The following SLC27A2 variants were observed in gnomAD, a reference collection of about 807,000 sequenced individuals.
The protein encoded by SLC27A2 is long-chain fatty acid transport protein 2.
In SLC27A2, 54 loss-of-function variants were observed where a neutral mutation model predicts 60.0. The ratio of observed to expected loss-of-function variants is 0.90; its 90% confidence interval spans 0.72 to 1.13. The LOEUF is 1.13. Among genes scored for constraint, SLC27A2 ranks in the 50% most tolerant of loss-of-function variants. The pLI is 0.00. For synonymous variants in SLC27A2, 297 were observed against 297.6 expected, an observed-to-expected ratio of 1.00 and a Z score of 0.02; for missense variants, 739 against 777.6, an observed-to-expected ratio of 0.95 and a Z score of 0.59.
chr15:50,221,370 C>T (rs1012474879), intron 4 of SLC27A2, among the ~76,000 whole-genome samples: 1 of 152,064 alleles, frequency 6.6e-6, no homozygotes, highest in African/African-American at 2.4e-5. Context: ...AATGACTGCT[C>T]AAGGGGCCCA....
chr15:50,221,020 T>C (rs922140909), intron 4 of SLC27A2, among the ~76,000 whole-genome samples: 8 of 151,996 alleles, frequency 5.3e-5, no homozygotes, highest in Non-Finnish European at 1.0e-4. Context: ...CTGGGCAACA[T>C]AGTGAGAACT....
Position 50,182,423 on chromosome 15 carries a change from C to T in SLC27A2, c.-5C>T. The T allele has an allele frequency of 6.3e-7, 1 of 1,586,982 alleles. No individual in the cohort carries two copies. ...CTCGCTGGGACAGAGGGCCCCGCAG[C>T]CGTCATGCTTTCCGCCATCTACACA... On this transcript the variant is annotated 5_prime_UTR_variant, in exon 1 of 10. Coordinates refer to ENST00000267842, the MANE Select transcript of SLC27A2 (RefSeq NM_003645.4).
At chr15:50,234,337 T>TAACA (rs1177863178) in intron 9 of SLC27A2, among the ~76,000 whole-genome samples, 1 of 152,044 alleles carries the variant, frequency 6.6e-6, no homozygotes, top group Non-Finnish European at 1.5e-5. Context: ...CCTATAATCC[T>TAACA]AACACTTTGG....
chr15:50,221,967 C>G (rs963754030), intron 4 of SLC27A2: 1 of 152,230 alleles, frequency 6.6e-6, no homozygotes, highest in South Asian at 2.1e-4. Flanking sequence ...TCTTTCCCCT[C>G]TTCTCACTAC....
At position 50,223,068 on chromosome 15, in the gene SLC27A2, A is replaced by G; in HGVS notation, c.1076A>G (p.Tyr359Cys). 2 of 1,614,048 alleles carry G rather than the reference A, an allele frequency of 1.2e-6. No homozygotes were observed. Among genetic ancestry groups the G allele is most frequent in the Non-Finnish European group, 1.7e-6 (2 of 1,179,932 alleles). ...FVKRFGDICIYEFYAATEGNI... is the reference protein window; with the variant it reads ...FVKRFGDICICEFYAATEGNI... ...AAGAGATTTGGGGACATATGCATCT[A>G]TGAGTTCTATGCTGCCACTGAAGGC... Residue 359 changes from tyrosine (Y) to cysteine (C), a missense_variant, in exon 5 of 10, where the codon TAT (tyrosine) becomes TGT (cysteine). Coordinates refer to ENST00000267842, the MANE Select transcript of SLC27A2 (RefSeq NM_003645.4).
chr15:50,194,951 A>G (rs1490387309), intron 1 of SLC27A2, among the ~76,000 whole-genome samples: 1 of 152,208 alleles, frequency 6.6e-6, no homozygotes, highest in African/African-American at 2.4e-5. Context: ...ATTGGTTTTC[A>G]GCTTCTAGAG....
chr15:50,226,942 T>A, intron 6 of SLC27A2, 38 bp from the exon 7 acceptor site: 12 of 1,567,412 alleles, frequency 7.7e-6, no homozygotes, highest in Non-Finnish European at 1.0e-5. Flanking sequence ...AAATTTGACC[T>A]CTAGCACATA....
intron 7 of SLC27A2, among the ~76,000 whole-genome samples, 191 bp from the exon 8 acceptor site, chr15:50,228,754 G>A (rs530237173): frequency 2.0e-5 from 3 of 152,228 alleles, no homozygotes; most frequent in Non-Finnish European, 4.4e-5. Flanking sequence ...TGTTATCTAG[G>A]TCTATACTTT....
At position 50,207,192 on chromosome 15, in the gene SLC27A2, T is replaced by G. The variant is rs76170287; in HGVS notation, c.972+1829T>G. On this transcript the variant is annotated intron_variant, in intron 4 of 9. Transcript: ENST00000267842. ...GACTGGACGAAAATAAATATGTTTGTGTGTAGCTGTCTTCAGGCCCACACA... is the reference window on the plus strand; with the variant it reads ...GACTGGACGAAAATAAATATGTTTGGGTGTAGCTGTCTTCAGGCCCACACA... Among the ~76,000 whole-genome samples, 1,266 of 152,290 alleles carry G rather than the reference T, an allele frequency of 8.3e-3. 9 individuals carry two copies. The highest frequency in any genetic ancestry group is 0.029 in the African/African-American group (1,222 of 41,570).
At chr15:50,194,082 G>A (rs922537980) in intron 1 of SLC27A2, among the ~76,000 whole-genome samples, 2 of 152,112 alleles carry the variant, frequency 1.3e-5, no homozygotes, top group African/African-American at 4.8e-5. Context: ...GGAGGTTGAC[G>A]CTGCAGTAAG....
chr15:50,221,505 T>C (rs2045241672), intron 4 of SLC27A2, among the ~76,000 whole-genome samples: 1 of 152,236 alleles, frequency 6.6e-6, no homozygotes, highest in African/African-American at 2.4e-5. Flanking sequence ...CCTTAGCTCC[T>C]CCTGCATGGA....
At chr15:50,211,731 C>G (rs74633833) in intron 4 of SLC27A2, among the ~76,000 whole-genome samples, 1 of 151,282 alleles carries the variant, frequency 6.6e-6, no homozygotes, top group Non-Finnish European at 1.5e-5. Flanking sequence ...TCCAAAAAAA[C>G]GTTACAAGAG....
intron 3 of SLC27A2, among the ~76,000 whole-genome samples, chr15:50,203,978 C>G (rs192715837): frequency 1.1e-3 from 163 of 152,100 alleles, no homozygotes; most frequent in African/African-American, 3.7e-3. Context: ...GTTGTTTAAG[C>G]CACCCATCTG....
intron 5 of SLC27A2, among the ~76,000 whole-genome samples, chr15:50,224,638 TC>T (rs1336919985): frequency 1.3e-5 from 2 of 152,146 alleles, no homozygotes; most frequent in Non-Finnish European, 2.9e-5. Flanking sequence ...GCTACACAAG[TC>T]CCTCCACAGT....
chr15:50,184,576 C>T lies in SLC27A2; in HGVS notation c.478+1671C>T, dbSNP rs1303285360. ...TTAGGCTGGGCGCAGTGGCTCAAGCCTGTAATCCCAGCACTTTGGGAGGCC... is the reference window on the plus strand; with the variant it reads ...TTAGGCTGGGCGCAGTGGCTCAAGCTTGTAATCCCAGCACTTTGGGAGGCC... On this transcript the variant is annotated intron_variant, in intron 1 of 9. Coordinates refer to ENST00000267842, the MANE Select transcript of SLC27A2 (RefSeq NM_003645.4). Among the ~76,000 whole-genome samples, 3 of 152,112 alleles carry T rather than the reference C, an allele frequency of 2.0e-5. No homozygotes were observed. The East Asian group carries it at 5.8e-4, about 29-fold the overall frequency.
At chr15:50,184,915 A>G (rs1381520612) in intron 1 of SLC27A2, among the ~76,000 whole-genome samples, 1 of 152,208 alleles carries the variant, frequency 6.6e-6, no homozygotes, top group African/African-American at 2.4e-5. Flanking sequence ...GAAAATTCCC[A>G]TTAATTTCTA....
chr15:50,213,829 C>T (rs2045175155), intron 4 of SLC27A2, among the ~76,000 whole-genome samples: 1 of 152,042 alleles, frequency 6.6e-6, no homozygotes, highest in Admixed American at 6.6e-5. Context: ...GAGGAATCTT[C>T]ATAGCCCTAA....
intron 2 of SLC27A2, among the ~76,000 whole-genome samples, chr15:50,201,557 ATTTC>A (rs1567429933): frequency 6.7e-6 from 1 of 148,836 alleles, no homozygotes; most frequent in East Asian, 2.0e-4. Context: ...GAGTGTGCAT[ATTTC>A]TTTTTTTTTT....
intron 2 of SLC27A2, 105 bp from the exon 3 acceptor site, chr15:50,202,382 A>T: frequency 3.4e-6 from 4 of 1,178,906 alleles, no homozygotes; most frequent in Non-Finnish European, 4.9e-6. Context: ...TCCCAGTGCA[A>T]TTCTCAAAAT....
Sources: gnomAD v4.1 joint callset for allele counts (sites outside exome capture counted in the v4.1 genomes callset) on GRCh38, gnomAD v4.1.1 for gene constraint, MANE v1.5 for transcripts, NCBI Gene and HGNC (gene_info 2026-07-23, HGNC 2026-07-21) for gene names.